The following GSTA1 variants were observed in gnomAD, a reference collection of about 807,000 sequenced individuals.
GSTA1 encodes glutathione S-transferase A1.
In GSTA1, 23 loss-of-function variants were observed where a neutral mutation model predicts 21.5. The ratio of observed to expected loss-of-function variants is 1.07; its 90% CI spans 0.77 to 1.52. GSTA1 has a LOEUF of 1.52. GSTA1 is among the 40% of genes most tolerant of loss of function. The probability of loss-of-function intolerance (pLI) is 0.00; values close to 1 mark genes in which losing one functional copy is unlikely to be tolerated. For missense variants in GSTA1, 301 were observed against 264.2 expected (o/e 1.14, Z -0.96); for synonymous variants, 125 against 90.0 (o/e 1.39, Z -2.20).
At chr6:52,796,543 A>ATATATATATATTTTTTTTTTTTTT in intron 3 of GSTA1, among the ~76,000 whole-genome samples, 1 of 23,760 alleles carries the variant, frequency 4.2e-5, no homozygotes, top group East Asian at 9.6e-4. Context: ...ATATATATAT[A>ATATATATATATTTTTTTTTTTTTT]TTTTTTTTTT....
chr6:52,796,412 G>A (rs1763584170), intron 3 of GSTA1, 98 bp from the exon 4 acceptor site: 4 of 1,508,722 alleles, frequency 2.7e-6, no homozygotes, highest in Admixed American at 3.8e-5. Context: ...TTGTAAAATG[G>A]CAAAGAAATT....
At chr6:52,802,947 A>G (rs1261363362) in intron 1 of GSTA1, among the ~76,000 whole-genome samples, 1 of 152,142 alleles carries the variant, frequency 6.6e-6, no homozygotes, top group Non-Finnish European at 1.5e-5. Flanking sequence ...TGAATGTCCA[A>G]GCAGTGGGGC....
At chr6:52,792,350 T>G (rs530976533) in intron 6 of GSTA1, among the ~76,000 whole-genome samples, 1 of 152,084 alleles carries the variant, frequency 6.6e-6, no homozygotes, top group Non-Finnish European at 1.5e-5. Context: ...GGGAAGGGAA[T>G]AGTTATAGAA....
intron 5 of GSTA1, 32 bp downstream of exon 5, chr6:52,794,093 A>T: frequency 6.2e-7 from 1 of 1,612,732 alleles, no homozygotes; most frequent in Non-Finnish European, 8.5e-7. Flanking sequence ...CTCTAAACTC[A>T]GTTCCCCAAA....
chr6:52,792,418 G>A (rs1056693296), intron 6 of GSTA1, among the ~76,000 whole-genome samples: 7 of 152,168 alleles, frequency 4.6e-5, no homozygotes, highest in African/African-American at 1.7e-4. Flanking sequence ...AGTGTGGGGG[G>A]CCAGTGTTCT....
intron 2 of GSTA1, 152 bp downstream of exon 2, chr6:52,799,029 A>G (rs1186727300): frequency 1.1e-5 from 8 of 707,574 alleles, no homozygotes; most frequent in Admixed American, 9.3e-5. Context: ...TTAAGAATTA[A>G]TAGGTCAAAT....
intron 3 of GSTA1, among the ~76,000 whole-genome samples, chr6:52,796,543 A>ATATATATATT (rs1300549721): frequency 4.2e-5 from 1 of 23,772 alleles, no homozygotes; most frequent in Non-Finnish European, 1.1e-4. Context: ...ATATATATAT[A>ATATATATATT]TTTTTTTTTT....
At chr6:52,803,474 C>T (rs1332742010) in intron 1 of GSTA1, among the ~76,000 whole-genome samples, 1 of 152,186 alleles carries the variant, frequency 6.6e-6, no homozygotes, top group African/African-American at 2.4e-5. Context: ...GCCACTTCTT[C>T]CAGCACTGAT....
chr6:52,796,336 G>A (rs372848666), intron 3 of GSTA1, 22 bp from the exon 4 acceptor site: 69 of 1,613,348 alleles, frequency 4.3e-5, no homozygotes, highest in Non-Finnish European at 5.7e-5. Flanking sequence ...AGAAAAAAAA[G>A]GAGAGTGAAG....
At chr6:52,794,301 T>C (rs2127301422) in intron 4 of GSTA1, 35 bp from the exon 5 acceptor site, 3 of 1,585,136 alleles carry the variant, frequency 1.9e-6, no homozygotes, top group Non-Finnish European at 2.6e-6. Context: ...GTCAAATACC[T>C]TTTGCCTTAG....
chr6:52,801,710 A>T (rs1441566059), intron 1 of GSTA1, among the ~76,000 whole-genome samples: 1 of 152,226 alleles, frequency 6.6e-6, no homozygotes, highest in African/African-American at 2.4e-5. Context: ...AATGAGAACC[A>T]GAGAGCTCAA....
At chr6:52,800,335 T>C (rs1763685513) in intron 1 of GSTA1, among the ~76,000 whole-genome samples, 2 of 152,242 alleles carry the variant, frequency 1.3e-5, no homozygotes, top group Admixed American at 6.5e-5. Context: ...GACTGAGTCT[T>C]ATTTTCTATG....
chr6:52,801,055 A>G (rs1763704623), intron 1 of GSTA1, among the ~76,000 whole-genome samples: 2 of 152,050 alleles, frequency 1.3e-5, no homozygotes, highest in Admixed American at 1.3e-4. Context: ...ATAATTTTGT[A>G]TTTTTAGTGG....
In GSTA1 at chr6:52,791,956, G is replaced by A. The variant is rs1282370849; in HGVS notation, c.571C>T (p.Leu191=). Residue 191 remains leucine, a synonymous_variant, in exon 7 of 7, where the codon CTG becomes TTG. Coordinates refer to ENST00000334575, the MANE Select transcript of GSTA1 (RefSeq NM_145740.5). ...TGTAGAAACTTCTTCACTGTGGGCAGGTTGCTGATTCTGGTTTTCAGGGCC... is the reference window on the plus strand; with the variant it reads ...TGTAGAAACTTCTTCACTGTGGGCAAGTTGCTGATTCTGGTTTTCAGGGCC... The part of the protein sequence containing the change: ...LKALKTRISN[L]PTVKKFLQPG... The A allele has an allele frequency of 2.5e-6, 4 of 1,613,830 alleles. No homozygotes were observed. In the East Asian group the frequency reaches 8.9e-5, roughly 36 times the overall value.
chr6:52,792,796 G>C, intron 6 of GSTA1, 60 bp downstream of exon 6: 2 of 1,612,608 alleles, frequency 1.2e-6, no homozygotes, highest in Non-Finnish European at 1.7e-6. Context: ...GCAGGGCCCA[G>C]ATACAAGATC....
chr6:52,800,714 C>T (rs1763696062), intron 1 of GSTA1, among the ~76,000 whole-genome samples: 1 of 152,126 alleles, frequency 6.6e-6, no homozygotes, highest in African/African-American at 2.4e-5. Flanking sequence ...TGGAAGGGCA[C>T]AGGACTCATT....
chr6:52,796,519 G>A (rs866733996), intron 3 of GSTA1, among the ~76,000 whole-genome samples: 462 of 12,356 alleles, frequency 0.037, 45 homozygotes, highest in African/African-American at 0.04. Flanking sequence ...GTGTGTGTGT[G>A]TGTGTGTGTG....
chr6:52,796,541 A>ATTT lies in GSTA1; in HGVS notation c.140-228_140-227insAAA, dbSNP rs1198221761. ...TGTGTGTGTGTGTGTATATATATAT[A>ATTT]TATTTTTTTTTTTTTTTTTTTTGGC... is the stretch of plus-strand genomic sequence containing the variant. On this transcript the variant is annotated intron_variant, in intron 3 of 6. Coordinates refer to ENST00000334575, the MANE Select transcript of GSTA1 (RefSeq NM_145740.5). Among the ~76,000 whole-genome samples the ATTT allele has an allele frequency of 1.6e-3, 56 of 34,288 alleles. 8 individuals are homozygous for ATTT. The highest frequency in any genetic ancestry group is 3.7e-3 in the African/African-American group (54 of 14,446). The allele number at this position is 34,288 out of a possible 152,430, so 22.5% of individuals were successfully genotyped here.
intron 5 of GSTA1, among the ~76,000 whole-genome samples, chr6:52,793,292 G>A (rs1052398963): frequency 9.9e-5 from 15 of 152,102 alleles, no homozygotes; most frequent in African/African-American, 3.6e-4. Context: ...GCCTCCATGT[G>A]TTCTGTCTGC....
Sources: allele counts gnomAD v4.1 joint callset (sites outside exome capture counted in the v4.1 genomes callset), GRCh38; gene constraint gnomAD v4.1.1; transcripts MANE v1.5; gene names NCBI Gene and HGNC (gene_info 2026-07-23, HGNC 2026-07-21).